The following HCN1 variants were observed in gnomAD, a reference collection of about 807,000 sequenced individuals.
HCN1 encodes hyperpolarization activated cyclic nucleotide gated potassium channel 1.
HCN1 carries 13 observed loss-of-function variants against 78.9 expected under a neutral mutation model. The observed-to-expected ratio is 0.16, with a 90% CI of 0.11 to 0.26. The LOEUF (loss-of-function observed/expected upper bound fraction) is 0.26, where lower values mean the gene tolerates loss of function less well. HCN1 is among the 10% of genes least tolerant of loss of function. The pLI, the probability that HCN1 is intolerant of heterozygous loss-of-function variation, is 1.00. For missense variants in HCN1, 810 were observed against 1,154.3 expected (o/e 0.70, Z 4.32); for synonymous variants, 552 against 455.5 (o/e 1.21, Z -2.70).
At chr5:45,273,487 C>A (rs190995513) in intron 6 of HCN1, among the ~76,000 whole-genome samples, 1 of 152,094 alleles carries the variant, frequency 6.6e-6, no homozygotes. Context: ...TGGCTTCAAA[C>A]GTTTTGCAAC....
At chr5:45,396,436 A>G (rs1739688680) in intron 4 of HCN1, 56 bp downstream of exon 4, 4 of 1,370,908 alleles carry the variant, frequency 2.9e-6, no homozygotes, top group African/African-American at 1.4e-5. Context: ...ACACAATTCA[A>G]TTTACTGGTT....
chr5:45,459,745 G>T (rs1442187587), intron 3 of HCN1, among the ~76,000 whole-genome samples: 1 of 152,012 alleles, frequency 6.6e-6, no homozygotes, highest in Non-Finnish European at 1.5e-5. Flanking sequence ...TAGGAAAAAT[G>T]TAAAATAATA....
chr5:45,364,546 G>C (rs1250283628), intron 4 of HCN1, among the ~76,000 whole-genome samples: 1 of 152,038 alleles, frequency 6.6e-6, no homozygotes, highest in Non-Finnish European at 1.5e-5. Context: ...ACGCAAAATT[G>C]AAATTGTCTT....
intron 2 of HCN1, among the ~76,000 whole-genome samples, chr5:45,579,653 T>C (rs1361478488): frequency 6.6e-6 from 1 of 152,118 alleles, no homozygotes; most frequent in Non-Finnish European, 1.5e-5. Context: ...CAATCTAAGG[T>C]TTAGATATTA....
intron 2 of HCN1, among the ~76,000 whole-genome samples, chr5:45,474,551 C>A (rs1741473906): frequency 6.6e-6 from 1 of 151,718 alleles, no homozygotes; most frequent in South Asian, 2.1e-4. Context: ...TATGATGATG[C>A]CACCATCCTG....
intron 2 of HCN1, among the ~76,000 whole-genome samples, chr5:45,638,371 A>T (rs982782696): frequency 1.3e-5 from 2 of 152,144 alleles, no homozygotes; most frequent in Admixed American, 6.5e-5. Context: ...CAAAACAAGA[A>T]AACAGATTGG....
In HCN1 at chr5:45,321,310, A is replaced by T. The variant is rs367671880; in HGVS notation, c.1378-17471T>A. 1.9e-3 allele frequency among the ~76,000 whole-genome samples: 282 copies of T among 151,948 alleles called. 1 individual carries two copies. The highest frequency in any genetic ancestry group is 6.6e-3 in the African/African-American group (273 of 41,500). On this transcript the variant is annotated intron_variant, in intron 5 of 7. Coordinates refer to ENST00000303230, the MANE Select transcript of HCN1 (RefSeq NM_021072.4). The stretch of plus-strand genomic sequence containing the variant: ...CTCACTTATTTATTCCTGGGGGAAA[A>T]ACAACGTAACAATAAACTTAAATTT...
At chr5:45,546,763 G>C (rs1743238484) in intron 2 of HCN1, among the ~76,000 whole-genome samples, 2 of 151,742 alleles carry the variant, frequency 1.3e-5, no homozygotes, top group East Asian at 3.9e-4. Context: ...TCTCAGACCA[G>C]AAGACACCTT....
intron 2 of HCN1, among the ~76,000 whole-genome samples, chr5:45,525,798 T>G (rs1742726027): frequency 6.6e-6 from 1 of 152,004 alleles, no homozygotes; most frequent in Admixed American, 6.6e-5. Flanking sequence ...AGTTTAGGTC[T>G]TCTTAGGGAC....
chr5:45,346,139 A>T (rs1042097062), intron 5 of HCN1, among the ~76,000 whole-genome samples: 1 of 152,220 alleles, frequency 6.6e-6, no homozygotes, highest in African/African-American at 2.4e-5. Context: ...TAGCAAGAAC[A>T]GAGCATGTGG....
chr5:45,546,344 A>G (rs1270580935), intron 2 of HCN1, among the ~76,000 whole-genome samples: 1 of 151,888 alleles, frequency 6.6e-6, no homozygotes, highest in African/African-American at 2.4e-5. Context: ...ACTTCAAATC[A>G]GCAAGTTTTA....
chr5:45,593,227 CACACACAG>C (rs1476967354), intron 2 of HCN1, among the ~76,000 whole-genome samples: 3 of 147,812 alleles, frequency 2.0e-5, no homozygotes, highest in Non-Finnish European at 4.6e-5. Context: ...CACACACACA[CACACACAG>C]ACACACACAA....
At chr5:45,415,338 C>G (rs1287022471) in intron 3 of HCN1, among the ~76,000 whole-genome samples, 1 of 151,990 alleles carries the variant, frequency 6.6e-6, no homozygotes, top group Non-Finnish European at 1.5e-5. Flanking sequence ...ATGCCACTCC[C>G]ATGCTTAAAG....
At chr5:45,350,201 G>A (rs1746860362) in intron 5 of HCN1, among the ~76,000 whole-genome samples, 1 of 152,132 alleles carries the variant, frequency 6.6e-6, no homozygotes, top group Admixed American at 6.5e-5. Context: ...TCATCCCTGG[G>A]ATGCAAGGCT....
intron 5 of HCN1, among the ~76,000 whole-genome samples, chr5:45,326,450 C>T (rs1746235105): frequency 6.6e-6 from 1 of 151,546 alleles, no homozygotes; most frequent in South Asian, 2.1e-4. Context: ...TTAGTGGCCA[C>T]AAAATGTTTC....
intron 5 of HCN1, among the ~76,000 whole-genome samples, chr5:45,349,376 G>A (rs568357625): frequency 1.3e-5 from 2 of 152,312 alleles, no homozygotes; most frequent in African/African-American, 4.8e-5. Flanking sequence ...TCAAAGTAGT[G>A]TGTAGAGGGA....
At chr5:45,265,121 C>T (rs541327117) in intron 7 of HCN1, among the ~76,000 whole-genome samples, 7 of 148,788 alleles carry the variant, frequency 4.7e-5, no homozygotes, top group African/African-American at 7.5e-5. Context: ...ACCTGGGAGG[C>T]GGAGGCTGCA....
At chr5:45,618,532 G>C (rs1023341781) in intron 2 of HCN1, among the ~76,000 whole-genome samples, 2 of 151,986 alleles carry the variant, frequency 1.3e-5, no homozygotes, top group Non-Finnish European at 2.9e-5. Context: ...TGAGAATAAC[G>C]GATTTGAAAA....
chr5:45,497,642 T>C (rs1394349123), intron 2 of HCN1, among the ~76,000 whole-genome samples: 1 of 152,198 alleles, frequency 6.6e-6, no homozygotes, highest in African/African-American at 2.4e-5. Context: ...CTGATGGGTC[T>C]TGACTCTTTA....
Sources: allele counts gnomAD v4.1 joint callset (sites outside exome capture counted in the v4.1 genomes callset), GRCh38; gene constraint gnomAD v4.1.1; transcripts MANE v1.5; gene names NCBI Gene and HGNC (gene_info 2026-07-23, HGNC 2026-07-21).